Variants in CHN2 observed in about 807,000 individuals in gnomAD.
CHN2 encodes chimerin 2, also known as beta-chimaerin.
In CHN2, 35 loss-of-function variants were observed where a neutral mutation model predicts 56.3. The observed-to-expected ratio is 0.62, with a 90% confidence interval of 0.47 to 0.82. CHN2 has a LOEUF of 0.82. Among genes scored for constraint, CHN2 ranks in the 40% least tolerant of loss-of-function variants. The pLI is 0.00. For missense variants in CHN2, 491 were observed against 580.5 expected (o/e 0.85, Z 1.58); for synonymous variants, 210 against 212.8 (o/e 0.99, Z 0.12).
intron 5 of CHN2, 129 bp downstream of exon 5, chr7:29,398,615 A>AG (rs140510730): frequency 0.044 from 27,632 of 630,722 alleles, 800 homozygotes; most frequent in African/African-American, 0.1. Context: ...TTATGTTATG[A>AG]GGGGGGGGTC....
intron 1 of CHN2, among the ~76,000 whole-genome samples, chr7:29,283,922 CTTTTTTTTTT>C (rs70980520): frequency 2.7e-4 from 19 of 70,006 alleles, no homozygotes; most frequent in Middle Eastern, 0.011. Context: ...CAGCCAAGCT[CTTTTTTTTTT>C]TTTTTTTTTT....
chr7:29,239,288 A>G (rs1293506067), intron 1 of CHN2, among the ~76,000 whole-genome samples: 1 of 152,162 alleles, frequency 6.6e-6, no homozygotes, highest in Non-Finnish European at 1.5e-5. Flanking sequence ...ATCAGGAATA[A>G]TCTTAAAGTT....
chr7:29,389,100 C>T (rs966978154), intron 3 of CHN2, among the ~76,000 whole-genome samples: 4 of 151,238 alleles, frequency 2.6e-5, no homozygotes, highest in Non-Finnish European at 4.4e-5. Context: ...ATGTTGGGAA[C>T]GTCTCTTCTA....
intron 2 of CHN2, among the ~76,000 whole-genome samples, chr7:29,177,093 A>G (rs1797446640): frequency 6.6e-6 from 1 of 152,212 alleles, no homozygotes; most frequent in South Asian, 2.1e-4. Context: ...AAATATTTTT[A>G]GTTTAGTGAA....
intron 1 of CHN2, among the ~76,000 whole-genome samples, chr7:29,202,542 T>G (rs557469654): frequency 1.3e-5 from 2 of 152,208 alleles, no homozygotes; most frequent in African/African-American, 4.8e-5. Context: ...GTTGAGGCCA[T>G]TGGATTCAGA....
At chr7:29,340,832 G>T (rs972124210) in intron 1 of CHN2, among the ~76,000 whole-genome samples, 2 of 152,212 alleles carry the variant, frequency 1.3e-5, no homozygotes, top group Non-Finnish European at 2.9e-5. Flanking sequence ...GGGTGCGCTT[G>T]TTTCCTTAAG....
chr7:29,418,476 C>T (rs1804004992), intron 6 of CHN2, among the ~76,000 whole-genome samples: 1 of 152,230 alleles, frequency 6.6e-6, no homozygotes, highest in East Asian at 1.9e-4. Context: ...ATCCTAATTC[C>T]ATAGTTAGCT....
At chr7:29,284,678 G>T (rs956414335) in intron 1 of CHN2, among the ~76,000 whole-genome samples, 2 of 152,164 alleles carry the variant, frequency 1.3e-5, no homozygotes, top group Non-Finnish European at 2.9e-5. Flanking sequence ...AAGGAACACG[G>T]TCTAGCTGAC....
At chr7:29,228,329 G>A (rs972942708) in intron 1 of CHN2, among the ~76,000 whole-genome samples, 3 of 152,040 alleles carry the variant, frequency 2.0e-5, no homozygotes, top group Non-Finnish European at 4.4e-5. Flanking sequence ...CCTTTCCCAC[G>A]TTTAGATACA....
chr7:29,370,328 A>G (rs189453775), intron 3 of CHN2, among the ~76,000 whole-genome samples: 85 of 152,322 alleles, frequency 5.6e-4, no homozygotes, highest in African/African-American at 1.8e-3. Context: ...CTTGGGAGAC[A>G]TGCCTAATGA....
intron 6 of CHN2, among the ~76,000 whole-genome samples, chr7:29,408,288 C>T (rs1048668594): frequency 6.6e-6 from 1 of 152,176 alleles, no homozygotes; most frequent in African/African-American, 2.4e-5. Context: ...GTGAAAGGCA[C>T]CTGTCGGTCT....
chr7:29,299,504 G>A (rs1288291262), intron 1 of CHN2, among the ~76,000 whole-genome samples: 5 of 152,062 alleles, frequency 3.3e-5, no homozygotes, highest in East Asian at 3.9e-4. Flanking sequence ...CAGCAACACC[G>A]CCTCTGCTGC....
chr7:29,375,716 A>T (rs1458571274), intron 3 of CHN2, among the ~76,000 whole-genome samples: 1 of 151,994 alleles, frequency 6.6e-6, no homozygotes, highest in African/African-American at 2.4e-5. Flanking sequence ...TGTGGATCCA[A>T]ACTGAGACAC....
intron 1 of CHN2, among the ~76,000 whole-genome samples, chr7:29,226,894 A>G (rs1277050250): frequency 2.0e-5 from 3 of 152,174 alleles, no homozygotes; most frequent in Admixed American, 1.3e-4. Context: ...GGAGAATGAA[A>G]AAGGCTGCCA....
intron 1 of CHN2, among the ~76,000 whole-genome samples, chr7:29,345,214 A>C (rs1219209875): frequency 3.3e-5 from 5 of 152,216 alleles, no homozygotes; most frequent in African/African-American, 2.4e-5. Context: ...TCTAATTCAC[A>C]AAAAGTACCC....
intron 6 of CHN2, among the ~76,000 whole-genome samples, chr7:29,460,510 T>C (rs10951224): frequency 0.34 from 51,407 of 152,158 alleles, 8,723 homozygotes; most frequent in Admixed American, 0.35. Context: ...TTATGTTCTG[T>C]GGCTTTCTAA....
intron 1 of CHN2, among the ~76,000 whole-genome samples, chr7:29,255,423 G>A (rs1788990988): frequency 6.6e-6 from 1 of 152,198 alleles, no homozygotes; most frequent in African/African-American, 2.4e-5. Flanking sequence ...GCAAGGAGGA[G>A]ACGGAACACC....
chr7:29,261,402 C>T (rs1228324804), intron 1 of CHN2, among the ~76,000 whole-genome samples: 4 of 152,166 alleles, frequency 2.6e-5, no homozygotes, highest in Non-Finnish European at 4.4e-5. Context: ...CTTCACCTCC[C>T]CTGCTAGGAC....
chr7:29,257,326 C>T (rs1208301821), intron 1 of CHN2, among the ~76,000 whole-genome samples: 13 of 152,178 alleles, frequency 8.5e-5, no homozygotes. Flanking sequence ...GGCCTGCGGT[C>T]ATCTCAATAC....
Sources: gnomAD v4.1 joint callset for allele counts (sites outside exome capture counted in the v4.1 genomes callset) on GRCh38, gnomAD v4.1.1 for gene constraint, MANE v1.5 for transcripts, NCBI Gene and HGNC (gene_info 2026-07-23, HGNC 2026-07-21) for gene names.